Variants in TMEM82 observed in about 807,000 individuals in gnomAD.
The protein encoded by TMEM82 is transmembrane protein 82.
In TMEM82, 30 loss-of-function variants were observed where a neutral mutation model predicts 29.2. That is an observed-to-expected ratio of 1.03 (90% CI 0.77 to 1.39). The LOEUF (loss-of-function observed/expected upper bound fraction) is 1.39. Among genes scored for constraint, TMEM82 ranks in the 40% most tolerant of loss-of-function variants. TMEM82 has a pLI of 0.00. For synonymous variants in TMEM82, 221 were observed against 225.4 expected (o/e 0.98, Z 0.18); for missense variants, 442 against 447.7 (o/e 0.99, Z 0.12).
chr1:15,744,419 G>C lies in TMEM82; in HGVS notation c.596G>C (p.Gly199Ala). Reference sequence around the variant, plus strand: ...CTGGGCCTGCTGGCCCATGCACATGGCCTCCCCCAGCTGCTGGGCCGTGCC... The same window carrying C: ...CTGGGCCTGCTGGCCCATGCACATGCCCTCCCCCAGCTGCTGGGCCGTGCC... Reference protein sequence around the residue: ...VCLGLLAHAHGLPQLLGRALA... With the variant: ...VCLGLLAHAHALPQLLGRALA... Residue 199 changes from glycine to alanine, a missense_variant, in exon 4 of 6, where the codon GGC (glycine) becomes GCC (alanine). By Grantham distance (60) the Gly-to-Ala change is moderately conservative (BLOSUM62 0). Coordinates refer to ENST00000375782, the MANE Select transcript of TMEM82 (RefSeq NM_001013641.3). This position sits in a 1 kb window ranked among gnomAD's most constrained non-coding sequence, Gnocchi z 5.2. 6.3e-7 allele frequency: 1 copy of C among 1,588,464 alleles called. No homozygotes were observed. The highest frequency in any genetic ancestry group is 1.7e-4 in the Middle Eastern group (1 of 6,028).
At chr1:15,742,679 C>G in intron 1 of TMEM82, 32 bp downstream of exon 1, 2 of 1,590,414 alleles carry the variant, frequency 1.3e-6, no homozygotes, top group Non-Finnish European at 1.7e-6. Context: ...TGCCTTGGCC[C>G]CGCCCCCTTC....
rs534256692 is a variant in TMEM82, at chr1:15,743,257, G to A, written c.336+63G>A. On this transcript the variant is annotated intron_variant, in intron 3 of 5. Transcript: ENST00000375782. ...CAGCCCAGGGCCCGGGCTCACCCCC[G>A]GAATGTGGGCAGCAGGGCCCAGGTC... The A allele has an allele frequency of 5.7e-5, 87 of 1,518,586 alleles. No homozygotes were observed. In the South Asian group the frequency reaches 8.3e-4, roughly 15 times the overall value. The allele number at this position is 1,518,586 out of a possible 1,614,324, so 94.1% of individuals were successfully genotyped here.
intron 3 of TMEM82, among the ~76,000 whole-genome samples, chr1:15,743,431 C>T (rs959581630): frequency 2.6e-5 from 4 of 152,238 alleles, no homozygotes; most frequent in Non-Finnish European, 4.4e-5. Flanking sequence ...TCTGTAGATC[C>T]GGCCCCCCAA....
intron 1 of TMEM82, 42 bp downstream of exon 1, chr1:15,742,689 C>G (rs1430027443): frequency 6.3e-7 from 1 of 1,582,182 alleles, no homozygotes; most frequent in Non-Finnish European, 8.6e-7. Context: ...CCGCCCCCTT[C>G]CAGCTCTTTG....
intron 3 of TMEM82, among the ~76,000 whole-genome samples, 175 bp from the exon 4 acceptor site, chr1:15,743,985 C>T (rs993204408): frequency 6.6e-6 from 1 of 151,662 alleles, no homozygotes; most frequent in African/African-American, 2.4e-5. Context: ...CAAAACAAAA[C>T]CCATATGATT....
At chr1:15,743,338 G>C in intron 3 of TMEM82, 144 bp downstream of exon 3, 1 of 1,099,664 alleles carries the variant, frequency 9.1e-7, no homozygotes, top group Non-Finnish European at 1.3e-6. Flanking sequence ...GAGGCTGCAG[G>C]TTGCACCTTT....
chr1:15,747,408 C>T lies in TMEM82; in HGVS notation c.946-138C>T, dbSNP rs539903323. 230 of 730,448 alleles carry T rather than the reference C, an allele frequency of 3.1e-4. 1 individual carries two copies. Among genetic ancestry groups the T allele is most frequent in the South Asian group, 2.0e-3 (118 of 58,240 alleles). The allele number at this position is 730,448 out of a possible 1,614,324, so 45.2% of individuals were successfully genotyped here. A position where few individuals can be genotyped will look rare whatever the true frequency, so the allele number is the denominator to read the frequency against. On this transcript the variant is annotated intron_variant, in intron 5 of 5. Transcript: ENST00000375782. ...CCAGGGCTGTCCTCCAGGTCACTAG[C>T]ACCCCCCACCCTGTCCACAGCCCTC...
At position 15,747,613 on chromosome 1, in the gene TMEM82, A is replaced by C; in HGVS notation, c.1013A>C (p.Gln338Pro). The C allele has an allele frequency of 4.3e-6, 7 of 1,614,080 alleles. No homozygotes were observed. Among genetic ancestry groups the C allele is most frequent in the Non-Finnish European group, 5.9e-6 (7 of 1,179,962 alleles). ...SQPLPSAPQS[Q>P]SSAPS ...CCCCTGCCCTCGGCACCCCAGTCCC[A>C]GAGTTCGGCCCCCTCTTGACCTGCC... Residue 338 changes from glutamine to proline, a missense_variant, in exon 6 of 6, where the codon CAG becomes CCG. Physicochemically the swap from Gln to Pro is moderately conservative, Grantham distance 76 (BLOSUM62 -1). Coordinates refer to ENST00000375782, the MANE Select transcript of TMEM82 (RefSeq NM_001013641.3).
chr1:15,747,409 A>AC, intron 5 of TMEM82, 137 bp from the exon 6 acceptor site: 4 of 732,148 alleles, frequency 5.5e-6, no homozygotes, highest in Admixed American at 2.4e-5. Context: ...GGTCACTAGC[A>AC]CCCCCCACCC....
At position 15,743,252 on chromosome 1, in the gene TMEM82, C is replaced by T. The variant is rs557978854; in HGVS notation, c.336+58C>T. 15 of 1,527,626 alleles carry T rather than the reference C, an allele frequency of 9.8e-6. No individual in the cohort carries two copies. The East Asian group carries it at 2.4e-4, about 24-fold the overall frequency. The allele number at this position is 1,527,626 out of a possible 1,614,324, so 94.6% of individuals were successfully genotyped here. The stretch of plus-strand genomic sequence containing the variant: ...CTCCCCAGCCCAGGGCCCGGGCTCA[C>T]CCCCGGAATGTGGGCAGCAGGGCCC... On this transcript the variant is annotated intron_variant, in intron 3 of 5. Transcript: ENST00000375782.
intron 4 of TMEM82, among the ~76,000 whole-genome samples, chr1:15,746,427 A>G (rs1238098302): frequency 2.0e-5 from 3 of 151,216 alleles, no homozygotes; most frequent in Admixed American, 2.0e-4. Flanking sequence ...AAAAAAAAAA[A>G]AAGAACAGAA....
In TMEM82 at chr1:15,744,390, G is replaced by A; in HGVS notation, c.567G>A (p.Val189=). The A allele has an allele frequency of 6.4e-7, 1 of 1,571,918 alleles. No individual in the cohort carries two copies. The highest frequency in any genetic ancestry group is 1.2e-5 in the South Asian group (1 of 86,706). ...ACAGCAGCCAGCGCTACTGTGGGGT[G>A]TGCCTGGGCCTGCTGGCCCATGCAC... ...ELHSSQRYCG[V]CLGLLAHAHG... is the part of the protein sequence containing the mutation. The change falls in exon 4 of 6, where the codon GTG becomes GTA. Residue 189 remains valine (V), a synonymous_variant. Transcript: ENST00000375782. The surrounding 1 kb of genome is among the most constrained non-coding windows in gnomAD (Gnocchi z 5.2).
At position 15,744,230 on chromosome 1, in the gene TMEM82, C is replaced by A. The variant is rs770564849; in HGVS notation, c.407C>A (p.Thr136Asn). The A allele has an allele frequency of 6.3e-6, 10 of 1,589,038 alleles. No individual in the cohort carries two copies. In the South Asian group the frequency reaches 7.9e-5, roughly 13 times the overall value. ...LCQYSLGCGL[T>N]CGLSFLQEGA... ...CAGTACTCGCTGGGCTGCGGGCTGA[C>A]CTGTGGCCTGAGCTTCCTGCAGGAG... is the stretch of plus-strand genomic sequence containing the variant. Residue 136 changes from threonine to asparagine, a missense_variant, in exon 4 of 6, where the codon ACC becomes AAC. Physicochemically the swap from Thr to Asn is moderately conservative, Grantham distance 65. Transcript: ENST00000375782. This position sits in a 1 kb window ranked among gnomAD's most constrained non-coding sequence, Gnocchi z 5.2.
chr1:15,743,166 C>T lies in TMEM82; in HGVS notation c.308C>T (p.Ala103Val). ...GTGGTGCTCGAGTTCTCCCTCCGGG[C>T]CGTGTCCACGCTGCTGTCCCTGGGC... ...ALVVLEFSLR[A>V]VSTLLSLGKG... The change falls in exon 3 of 6, where the codon GCC becomes GTC. Residue 103 changes from alanine to valine, a missense_variant. Coordinates refer to ENST00000375782, the MANE Select transcript of TMEM82 (RefSeq NM_001013641.3). 1.9e-6 allele frequency: 3 copies of T among 1,609,694 alleles called. No homozygotes were observed. The highest frequency in any genetic ancestry group is 2.5e-6 in the Non-Finnish European group (3 of 1,179,834).
intron 3 of TMEM82, 36 bp downstream of exon 3, chr1:15,743,230 C>T (rs1374479352): frequency 2.5e-6 from 4 of 1,583,690 alleles, no homozygotes; most frequent in East Asian, 2.3e-5. Context: ...TGGATCACTC[C>T]CCAGCCCAGG....
chr1:15,747,508 G>A (rs1211424308), intron 5 of TMEM82, 38 bp from the exon 6 acceptor site: 2 of 1,574,738 alleles, frequency 1.3e-6, no homozygotes, highest in African/African-American at 2.7e-5. Context: ...CAGGGGGATG[G>A]GTGAATGGGT....
At chr1:15,747,436 C>T in intron 5 of TMEM82, 110 bp from the exon 6 acceptor site, 1 of 935,468 alleles carries the variant, frequency 1.1e-6, no homozygotes, top group Middle Eastern at 2.2e-4. Context: ...CAGCCCTCTC[C>T]AGCAACAACC....
Position 15,744,660 on chromosome 1 carries a change from T to A in TMEM82, c.757+80T>A. 5 of 1,453,544 alleles carry A rather than the reference T, an allele frequency of 3.4e-6. No individual in the cohort carries two copies. The highest frequency in any genetic ancestry group is 4.6e-6 in the Non-Finnish European group (5 of 1,088,372). The allele number at this position is 1,453,544 out of a possible 1,614,324, so 90.0% of individuals were successfully genotyped here. On this transcript the variant is annotated intron_variant, in intron 4 of 5. Transcript: ENST00000375782. The surrounding 1 kb of genome is among the most constrained non-coding windows in gnomAD (Gnocchi z 5.2). Reference sequence around the variant, plus strand: ...CAGGCTCCGGGGAGGCCGAGAGCCATCAGCCCTCACTCTTGCCATCCCAGA... The same window carrying A: ...CAGGCTCCGGGGAGGCCGAGAGCCAACAGCCCTCACTCTTGCCATCCCAGA...
chr1:15,743,208 G>C lies in TMEM82; in HGVS notation c.336+14G>C, dbSNP rs940897004. 6.2e-6 allele frequency: 10 copies of C among 1,600,652 alleles called. No individual in the cohort carries two copies. The Admixed American group carries it at 1.3e-4, about 21-fold the overall frequency. On this transcript the variant is annotated intron_variant, in intron 3 of 5. Coordinates refer to ENST00000375782, the MANE Select transcript of TMEM82 (RefSeq NM_001013641.3). The stretch of plus-strand genomic sequence containing the variant: ...TCCCTGGGCAAGGTGAGGCCTCCGG[G>C]AAGGCAGTGGGTGGATCACTCCCCA...
Sources: gnomAD v4.1 joint callset for allele counts (sites outside exome capture counted in the v4.1 genomes callset) on GRCh38, gnomAD v4.1.1 for gene constraint, Gnocchi (gnomAD v3.1) non-coding constraint, MANE v1.5 for transcripts, NCBI Gene and HGNC (gene_info 2026-07-23, HGNC 2026-07-21) for gene names.